KLHL5: variants seen among roughly 807,000 people sequenced by gnomAD.
The protein encoded by KLHL5 is kelch like family member 5.
KLHL5 carries 48 observed loss-of-function variants against 77.7 expected under a neutral mutation model. The ratio of observed to expected loss-of-function variants is 0.62; its 90% CI spans 0.49 to 0.79. KLHL5 has a LOEUF of 0.79. KLHL5 is among the 30% of genes least tolerant of loss of function. The pLI, the probability that KLHL5 is intolerant of heterozygous loss-of-function variation, is 0.00. For synonymous variants in KLHL5, 260 were observed against 297.0 expected, an observed-to-expected ratio of 0.88 and a Z score of 1.28; for missense variants, 723 against 859.7, an observed-to-expected ratio of 0.84 and a Z score of 1.99.
rs115570800 is a variant in KLHL5 at position 39,082,239 on chromosome 4, G to A, written c.900+80G>A. On this transcript the variant is annotated intron_variant, in intron 4 of 10. Coordinates refer to ENST00000504108, the MANE Select transcript of KLHL5 (RefSeq NM_015990.5). ...GTTGCAGGCTTATCTGCATGTTACT[G>A]TTTTCCCATGGCTCTGCCACGTGTC... 242 of 1,131,966 alleles carry A rather than the reference G, an allele frequency of 2.1e-4. 1 individual carries two copies. In the African/African-American group the frequency reaches 3.4e-3, roughly 16 times the overall value. 70.1% of individuals were successfully genotyped at this position (1,131,966 alleles called of 1,614,324 possible). A position where few individuals can be genotyped will look rare whatever the true frequency, so the allele number is the denominator to read the frequency against.
chr4:39,117,530 G>C (rs1722925945), intron 10 of KLHL5, among the ~76,000 whole-genome samples: 1 of 152,144 alleles, frequency 6.6e-6, no homozygotes, highest in African/African-American at 2.4e-5. Context: ...ATGGATTCAA[G>C]AGATATTGCC....
At chr4:39,065,273 A>G (rs1717782882) in intron 1 of KLHL5, among the ~76,000 whole-genome samples, 2 of 152,180 alleles carry the variant, frequency 1.3e-5, no homozygotes, top group Admixed American at 6.5e-5. Flanking sequence ...TTAAGTGAGC[A>G]GTCAGACTTC....
At chr4:39,067,497 CT>C (rs1717995288) in intron 1 of KLHL5, among the ~76,000 whole-genome samples, 1 of 152,042 alleles carries the variant, frequency 6.6e-6, no homozygotes, top group South Asian at 2.1e-4. Context: ...AAACACTGTA[CT>C]ATTAATATAT....
In KLHL5 at chr4:39,082,197, T is replaced by TA. The variant is rs769270570; in HGVS notation, c.900+39dup. ...TGAAGGTGAGAAAGTCGATCCTCCA[T>TA]ATGCATATTTCTTATTGTTGCAGGC... is the stretch of plus-strand genomic sequence containing the variant. On this transcript the variant is annotated intron_variant, in intron 4 of 10. Coordinates refer to ENST00000504108, the MANE Select transcript of KLHL5 (RefSeq NM_015990.5). 6.1e-6 allele frequency: 9 copies of TA among 1,463,680 alleles called. No homozygotes were observed. The African/African-American group carries it at 8.5e-5, about 14-fold the overall frequency. The allele number at this position is 1,463,680 out of a possible 1,614,324, so 90.7% of individuals were successfully genotyped here. A position where few individuals can be genotyped will look rare whatever the true frequency, so the allele number is the denominator to read the frequency against.
chr4:39,060,839 T>A (rs761951320), upstream of KLHL5, among the ~76,000 whole-genome samples: 1 of 152,230 alleles, frequency 6.6e-6, no homozygotes, highest in Non-Finnish European at 1.5e-5. Context: ...TCCTAAAACA[T>A]TGTCCTGTTC....
downstream of KLHL5, among the ~76,000 whole-genome samples, chr4:39,129,746 C>T (rs2109664183): frequency 6.6e-6 from 1 of 152,188 alleles, no homozygotes; most frequent in Non-Finnish European, 1.5e-5. The surrounding 1 kb of genome is among the most constrained non-coding windows in gnomAD (Gnocchi z 4.2). Flanking sequence ...GTATTTTACT[C>T]AATATTTGGG....
At chr4:39,076,899 C>T (rs1227297285) in intron 2 of KLHL5, among the ~76,000 whole-genome samples, 1 of 151,060 alleles carries the variant, frequency 6.6e-6, no homozygotes, top group Non-Finnish European at 1.5e-5. Flanking sequence ...AAAGCAAATG[C>T]AACAAAAACA....
the KLHL5 span, among the ~76,000 whole-genome samples, chr4:39,136,187 GTCTT>G: frequency 1.3e-5 from 2 of 151,070 alleles, no homozygotes; most frequent in African/African-American, 4.9e-5. Flanking sequence ...TTTTAACTGA[GTCTT>G]TCTCTGTCAC....
intron 2 of KLHL5, among the ~76,000 whole-genome samples, chr4:39,076,671 T>TA (rs1719072484): frequency 6.6e-6 from 1 of 151,294 alleles, no homozygotes; most frequent in African/African-American, 2.4e-5. Flanking sequence ...AGCCATTTAA[T>TA]AAAGAATAAT....
rs906081500 is a variant in KLHL5, at chr4:39,123,057, A to G, written c.*1991A>G. ...GTTTTATACATATTAGATGAATTGC[A>G]TGGTATTTTAGGCAACTTAACTATA... On this transcript the variant is annotated 3_prime_UTR_variant, in exon 11 of 11. Transcript: ENST00000504108. Among the ~76,000 whole-genome samples the G allele has an allele frequency of 3.3e-5, 5 of 152,198 alleles. No homozygotes were observed. The highest frequency in any genetic ancestry group is 2.0e-4 in the Admixed American group (3 of 15,286).
At chr4:39,056,361 G>A (rs1223625701) in intron 1 of KLHL5, among the ~76,000 whole-genome samples, 3 of 152,252 alleles carry the variant, frequency 2.0e-5, no homozygotes, top group Admixed American at 2.0e-4. Flanking sequence ...TCCACCCTCA[G>A]GGGTGCTGGG....
chr4:39,136,252 C>T, the KLHL5 span, among the ~76,000 whole-genome samples: 1 of 151,930 alleles, frequency 6.6e-6, no homozygotes, highest in African/African-American at 2.4e-5. Context: ...CTCCACCTGC[C>T]GGGTTCAAGA....
chr4:39,126,473 G>A (rs373231043), downstream of KLHL5, among the ~76,000 whole-genome samples: 3 of 152,060 alleles, frequency 2.0e-5, no homozygotes, highest in African/African-American at 4.8e-5. Flanking sequence ...AAGAAATGCC[G>A]TATTGACAGA....
chr4:39,110,602 A>AG lies in KLHL5; in HGVS notation c.1689-2418_1689-2417insG, dbSNP rs1475434177. ...CTCAGCCTCCTGAGTAGCTGGGACT[A>AG]CAGGCATACACCACCATGCCTGGCT... is the stretch of plus-strand genomic sequence containing the variant. On this transcript the variant is annotated intron_variant, in intron 8 of 10. Coordinates refer to ENST00000504108, the MANE Select transcript of KLHL5 (RefSeq NM_015990.5). Among the ~76,000 whole-genome samples, 3 of 152,168 alleles carry AG rather than the reference A, an allele frequency of 2.0e-5. No individual in the cohort carries two copies. The East Asian group carries it at 5.8e-4, about 29-fold the overall frequency.
In KLHL5 at chr4:39,123,789, C is replaced by A. The variant is rs762988835; in HGVS notation, c.*2723C>A. Among the ~76,000 whole-genome samples the A allele has an allele frequency of 6.6e-6, 1 of 152,108 alleles. No homozygotes were observed. The highest frequency in any genetic ancestry group is 2.4e-5 in the African/African-American group (1 of 41,426). ...ACATTGAAAATTTTTCCCCTAATATCATGAAAATTCCTGATTTCCCCACTG... is the reference window on the plus strand; with the variant it reads ...ACATTGAAAATTTTTCCCCTAATATAATGAAAATTCCTGATTTCCCCACTG... On this transcript the variant is annotated 3_prime_UTR_variant, in exon 11 of 11. Coordinates refer to ENST00000504108, the MANE Select transcript of KLHL5 (RefSeq NM_015990.5).
At position 39,090,256 on chromosome 4, in the gene KLHL5, T is replaced by A. The variant is rs73132943; in HGVS notation, c.1113+3529T>A. 8.5e-3 allele frequency among the ~76,000 whole-genome samples: 1,295 copies of A among 152,310 alleles called. 19 individuals are homozygous for A. The highest frequency in any genetic ancestry group is 0.029 in the African/African-American group (1,218 of 41,558). On this transcript the variant is annotated intron_variant, in intron 5 of 10. Coordinates refer to ENST00000504108, the MANE Select transcript of KLHL5 (RefSeq NM_015990.5). ...GAATTTATTTTTGTGAAATAGTTCCTTTTCCAATGATACCAACTAAATGAG... is the reference window on the plus strand; with the variant it reads ...GAATTTATTTTTGTGAAATAGTTCCATTTCCAATGATACCAACTAAATGAG...
At chr4:39,139,562 A>T in the KLHL5 span, among the ~76,000 whole-genome samples, 6 of 152,126 alleles carry the variant, frequency 3.9e-5, no homozygotes, top group African/African-American at 1.4e-4. Flanking sequence ...TGATGCATCA[A>T]TGTGGGCCTC....
downstream of KLHL5, among the ~76,000 whole-genome samples, chr4:39,129,969 A>G (rs1342471486): frequency 6.6e-6 from 1 of 152,190 alleles, no homozygotes; most frequent in East Asian, 1.9e-4. This position sits in a 1 kb window ranked among gnomAD's most constrained non-coding sequence, Gnocchi z 4.2. Flanking sequence ...GGAATGCCAC[A>G]GGAGTTGTTA....
downstream of KLHL5, among the ~76,000 whole-genome samples, chr4:39,127,499 GT>G (rs1032649984): frequency 3.5e-4 from 54 of 152,246 alleles, no homozygotes; most frequent in African/African-American, 1.3e-3. Flanking sequence ...CCAGGCTGGA[GT>G]GTAATGGCCT....
Sources: allele counts gnomAD v4.1 joint callset (sites outside exome capture counted in the v4.1 genomes callset), GRCh38; gene constraint gnomAD v4.1.1; non-coding constraint Gnocchi (gnomAD v3.1); transcripts MANE v1.5; gene names NCBI Gene and HGNC (gene_info 2026-07-23, HGNC 2026-07-21).